Variants in HIVEP1 observed in about 807,000 individuals in gnomAD.
The protein encoded by HIVEP1 is zinc finger protein 40.
Under a neutral mutation model 180.0 loss-of-function variants are expected in HIVEP1, and 36 were observed. The observed-to-expected ratio is 0.20, with a 90% CI of 0.15 to 0.26. HIVEP1 has a LOEUF of 0.26. Among genes scored for constraint, HIVEP1 ranks in the 10% least tolerant of loss-of-function variants. HIVEP1 has a pLI of 1.00. For synonymous variants in HIVEP1, 1,239 were observed against 1,239.0 expected (o/e 1.00, Z 0.00); for missense variants, 3,143 against 3,268.7 (o/e 0.96, Z 0.94).
At chr6:12,083,384 G>T (rs1772914057) in intron 2 of HIVEP1, among the ~76,000 whole-genome samples, 1 of 152,146 alleles carries the variant, frequency 6.6e-6, no homozygotes, top group Non-Finnish European at 1.5e-5. Context: ...TAACAAAAAT[G>T]CTGGAGTAAT....
intron 2 of HIVEP1, among the ~76,000 whole-genome samples, chr6:12,069,893 T>C (rs1371095015): frequency 2.0e-5 from 3 of 152,088 alleles, no homozygotes; most frequent in Non-Finnish European, 2.9e-5. Flanking sequence ...TATATTCTTA[T>C]TCTATAAGTT....
chr6:12,127,379 A>C (rs2113550360), intron 4 of HIVEP1, among the ~76,000 whole-genome samples: 2 of 152,356 alleles, frequency 1.3e-5, no homozygotes, highest in South Asian at 4.1e-4. Flanking sequence ...TTAAGTTCTC[A>C]GGCTCTAAAT....
At chr6:12,062,367 T>C (rs1771294912) in intron 2 of HIVEP1, among the ~76,000 whole-genome samples, 1 of 152,152 alleles carries the variant, frequency 6.6e-6, no homozygotes, top group South Asian at 2.1e-4. Context: ...AAGTCTAAAT[T>C]TCTTTACCTT....
At chr6:12,109,218 C>T (rs971427375) in intron 3 of HIVEP1, among the ~76,000 whole-genome samples, 6 of 152,176 alleles carry the variant, frequency 3.9e-5, no homozygotes, top group Non-Finnish European at 4.4e-5. Flanking sequence ...TGGTCTCAAT[C>T]TCCTGACCTC....
Position 12,124,460 on chromosome 6 carries a change from C to T in HIVEP1, c.4665C>T (p.Cys1555=), listed in dbSNP as rs1757922050. The T allele has an allele frequency of 2.5e-6, 4 of 1,614,164 alleles. No individual in the cohort carries two copies. Among genetic ancestry groups the T allele is most frequent in the Admixed American group, 1.7e-5 (1 of 60,028 alleles). ...VLSGSSKSED[C]FAPKYQLHCQ... ...CTGGGTCTTCTAAAAGTGAGGATTG[C>T]TTTGCTCCCAAATACCAATTGCATT... Residue 1555 remains cysteine, a synonymous_variant, in exon 4 of 9, where the codon TGC becomes TGT. Coordinates refer to ENST00000379388, the MANE Select transcript of HIVEP1 (RefSeq NM_002114.4).
At chr6:12,137,402 G>C (rs1415889622) in intron 7 of HIVEP1, among the ~76,000 whole-genome samples, 1 of 152,132 alleles carries the variant, frequency 6.6e-6, no homozygotes, top group African/African-American at 2.4e-5. Flanking sequence ...GTTTACATTT[G>C]CTGACTGATT....
intron 3 of HIVEP1, among the ~76,000 whole-genome samples, chr6:12,110,210 T>C (rs544891593): frequency 3.8e-4 from 58 of 152,344 alleles, no homozygotes; most frequent in Admixed American, 1.4e-3. Context: ...AAGGGTCTTA[T>C]GGATTTTCAG....
intron 7 of HIVEP1, among the ~76,000 whole-genome samples, chr6:12,158,573 C>G (rs556782153): frequency 6.6e-6 from 1 of 152,154 alleles, no homozygotes; most frequent in Non-Finnish European, 1.5e-5. Context: ...GGGGTGCTGT[C>G]TCTGTTCCGA....
intron 2 of HIVEP1, among the ~76,000 whole-genome samples, chr6:12,051,001 C>CATACATATATATATAT (rs1554135633): frequency 5.2e-5 from 4 of 77,600 alleles, no homozygotes; most frequent in African/African-American, 1.7e-4. Context: ...TACACAAGTG[C>CATACATATATATATAT]ATATATATAT....
intron 7 of HIVEP1, among the ~76,000 whole-genome samples, chr6:12,149,782 TTATC>T (rs1319137412): frequency 6.6e-6 from 1 of 152,216 alleles, no homozygotes; most frequent in Non-Finnish European, 1.5e-5. Context: ...CATACCCAGG[TTATC>T]ATTCACCATC....
intron 6 of HIVEP1, 112 bp downstream of exon 6, chr6:12,131,054 T>C: frequency 1.6e-6 from 1 of 634,666 alleles, no homozygotes; most frequent in Non-Finnish European, 2.7e-6. Context: ...AATAGACTAA[T>C]GTCAATTACA....
chr6:12,188,569 G>A, the HIVEP1 span, among the ~76,000 whole-genome samples: 7 of 152,004 alleles, frequency 4.6e-5, no homozygotes, highest in Admixed American at 2.6e-4. Context: ...TCAAAATTCA[G>A]TTAATTACTT....
chr6:12,084,359 C>T (rs997823546), intron 2 of HIVEP1, among the ~76,000 whole-genome samples: 1 of 152,122 alleles, frequency 6.6e-6, no homozygotes, highest in Non-Finnish European at 1.5e-5. Flanking sequence ...GTGTCATCTT[C>T]CTCAAAGACA....
intron 1 of HIVEP1, among the ~76,000 whole-genome samples, chr6:12,015,193 T>TG (rs138584150): frequency 6.6e-6 from 1 of 152,234 alleles, no homozygotes; most frequent in South Asian, 2.1e-4. Context: ...CCCCTATGAA[T>TG]GGGCAGATTT....
At chr6:12,143,559 T>G (rs1219696403) in intron 7 of HIVEP1, among the ~76,000 whole-genome samples, 2 of 152,114 alleles carry the variant, frequency 1.3e-5, no homozygotes, top group South Asian at 2.1e-4. Context: ...GAGAAAGAAA[T>G]AAAGGGTGTT....
the HIVEP1 span, among the ~76,000 whole-genome samples, chr6:12,184,112 T>C: frequency 6.6e-6 from 1 of 152,084 alleles, no homozygotes; most frequent in Non-Finnish European, 1.5e-5. Context: ...AAGAGAACTA[T>C]TTGAATTCTG....
At chr6:12,077,433 G>A (rs1213926248) in intron 2 of HIVEP1, among the ~76,000 whole-genome samples, 3 of 152,192 alleles carry the variant, frequency 2.0e-5, no homozygotes, top group Non-Finnish European at 2.9e-5. Context: ...ATCCTGGACA[G>A]GAGCTCTGAA....
intron 2 of HIVEP1, among the ~76,000 whole-genome samples, chr6:12,056,491 G>T (rs533614757): frequency 1.3e-5 from 2 of 152,102 alleles, no homozygotes; most frequent in East Asian, 1.9e-4. Context: ...ATCAATTTTT[G>T]TAAGTTGAAT....
intron 3 of HIVEP1, among the ~76,000 whole-genome samples, chr6:12,099,523 T>C (rs1773984284): frequency 6.6e-6 from 1 of 152,030 alleles, no homozygotes; most frequent in Non-Finnish European, 1.5e-5. Context: ...CCCCACATCA[T>C]GTAGTTAGCC....
Sources: gnomAD v4.1 joint callset for allele counts (sites outside exome capture counted in the v4.1 genomes callset) on GRCh38, gnomAD v4.1.1 for gene constraint, MANE v1.5 for transcripts, NCBI Gene and HGNC (gene_info 2026-07-23, HGNC 2026-07-21) for gene names.